The following OFD1 variants were observed in gnomAD, a reference collection of about 807,000 sequenced individuals.
The protein encoded by OFD1 is centriole and centriolar satellite protein OFD1.
A neutral mutation model predicts 81.4 loss-of-function variants in OFD1; 12 were observed. That is an observed-to-expected ratio of 0.15 (90% CI 0.09 to 0.24). OFD1 has a LOEUF of 0.24. OFD1 is among the 10% of genes least tolerant of loss of function. OFD1 has a pLI of 1.00. For missense variants in OFD1, 685 were observed against 733.9 expected (o/e 0.93, Z 0.77); for synonymous variants, 256 against 263.7 (o/e 0.97, Z 0.28).
intron 19 of OFD1, among the ~76,000 whole-genome samples, chrX:13,766,500 G>T (rs761017328): frequency 9.0e-6 from 1 of 111,355 alleles, no homozygotes; most frequent in African/African-American, 3.3e-5. Context: ...AAATGTGGAC[G>T]CGAGGCTAGG....
chrX:13,770,803 TGC>T (rs1446412101), downstream of OFD1, among the ~76,000 whole-genome samples: 5 of 112,471 alleles, frequency 4.4e-5, no homozygotes, highest in Admixed American at 2.8e-4. Flanking sequence ...AAGAGATTTT[TGC>T]CAGAAATAAA....
intron 17 of OFD1, among the ~76,000 whole-genome samples, chrX:13,761,553 C>T (rs1283478072): frequency 1.8e-5 from 2 of 112,032 alleles, no homozygotes; most frequent in Middle Eastern, 4.2e-3. Context: ...TGAAAGCAAA[C>T]AAATGGAGGT....
At chrX:13,760,746 G>A (rs774196880) in intron 16 of OFD1, 26 bp downstream of exon 16, 4 of 1,207,857 alleles carry the variant, frequency 3.3e-6, no homozygotes, top group African/African-American at 3.5e-5. Context: ...AAAGGGTTGC[G>A]GGGTGCTCTG....
chrX:13,723,240 G>A, the OFD1 span, among the ~76,000 whole-genome samples: 213 of 111,607 alleles, frequency 1.9e-3, 1 homozygote, highest in African/African-American at 6.2e-3. Context: ...CAATCTTAGC[G>A]CACTGCAACC....
At chrX:13,762,988 T>C (rs2047995205) in intron 18 of OFD1, among the ~76,000 whole-genome samples, 1 of 112,203 alleles carries the variant, frequency 8.9e-6, no homozygotes, top group South Asian at 3.7e-4. Flanking sequence ...CAGGCTGGTC[T>C]TGAGCTCCTG....
chrX:13,714,813 ATTAAT>A, the OFD1 span, among the ~76,000 whole-genome samples: 1 of 112,032 alleles, frequency 8.9e-6, no homozygotes, highest in Non-Finnish European at 1.9e-5. Context: ...AAATAAATGG[ATTAAT>A]CTCTATGGCC....
Position 13,760,254 on chromosome X carries a change from C to T in OFD1, c.1794C>T (p.Asn598=), listed in dbSNP as rs749765629. The T allele has an allele frequency of 1.6e-5, 19 of 1,209,840 alleles. No homozygotes were observed. The highest frequency in any genetic ancestry group is 5.3e-5 in the South Asian group (3 of 56,850). The change falls in exon 16 of 23, where the codon AAC becomes AAT. Residue 598 remains asparagine, a synonymous_variant. Transcript: ENST00000340096. ...DFLNNPFKQE[N]VLARMVASRI... ...TGAACAATCCTTTTAAACAGGAAAA[C>T]GTTCTAGCACGTATGGTTGCATCAA...
chrX:13,773,160 C>T (rs898604204), downstream of OFD1: 3 of 491,445 alleles, frequency 6.1e-6, no homozygotes, highest in Non-Finnish European at 9.7e-6. Context: ...ACTCGCTCTA[C>T]TAGCAGAGCT....
intron 6 of OFD1, 124 bp from the exon 7 acceptor site, chrX:13,746,195 G>C (rs1365344774): frequency 6.9e-6 from 4 of 575,627 alleles, no homozygotes; most frequent in Non-Finnish European, 1.2e-5. Flanking sequence ...GTATTTCAAA[G>C]TAAGTTGCAG....
chrX:13,757,844 C>T (rs1416422399), intron 14 of OFD1, 54 bp downstream of exon 14: 5 of 1,169,840 alleles, frequency 4.3e-6, no homozygotes, highest in South Asian at 3.6e-5. Context: ...TTCATAGTTA[C>T]GTAAACTTGG....
the OFD1 span, among the ~76,000 whole-genome samples, chrX:13,723,478 C>T: frequency 9.0e-6 from 1 of 111,692 alleles, no homozygotes; most frequent in Non-Finnish European, 1.9e-5. Context: ...TGATTCCAAA[C>T]GTTTTATAAA....
chrX:13,757,534 CAT>C (rs752101581), intron 13 of OFD1, 124 bp from the exon 14 acceptor site: 2 of 681,244 alleles, frequency 2.9e-6, no homozygotes, highest in East Asian at 3.6e-5. Context: ...GAATTATTAT[CAT>C]ATTTATTGAG....
the OFD1 span, chrX:13,720,067 T>A: frequency 1.4e-6 from 1 of 699,582 alleles, no homozygotes; most frequent in South Asian, 4.2e-5. Context: ...AATTCTTTTT[T>A]AAATTTAAAC....
the OFD1 span, among the ~76,000 whole-genome samples, chrX:13,728,626 A>G: frequency 8.9e-6 from 1 of 112,140 alleles, no homozygotes; most frequent in African/African-American, 3.3e-5. Context: ...TATTTATGAC[A>G]AACCCACAGC....
At position 13,737,472 on chromosome X, in the gene OFD1, G is replaced by T. The variant is rs116759547; in HGVS notation, c.312+794G>T. Among the ~76,000 whole-genome samples the T allele has an allele frequency of 5.4e-3, 589 of 108,195 alleles. 5 individuals are homozygous for T. Among genetic ancestry groups the T allele is most frequent in the African/African-American group, 0.019 (566 of 29,549 alleles). The allele number at this position is 108,195 out of a possible 115,157, so 94.0% of individuals were successfully genotyped here. ...TACAGAGAATTCCCATATACCTGCT[G>T]CCCCTACACACTCATAGCCTCCCCC... On this transcript the variant is annotated intron_variant, in intron 3 of 22. Transcript: ENST00000340096.
At chrX:13,736,163 G>A (rs1456422285) in intron 2 of OFD1, 1 of 879,440 alleles carries the variant, frequency 1.1e-6, no homozygotes, top group Non-Finnish European at 1.4e-6. Context: ...TATCCCAATC[G>A]TAAGCTGCTG....
chrX:13,747,449 T>A (rs2047339209), intron 8 of OFD1, among the ~76,000 whole-genome samples: 1 of 111,874 alleles, frequency 8.9e-6, no homozygotes, highest in Admixed American at 9.5e-5. Flanking sequence ...TCTCTGTCCC[T>A]TTCAGTGAGG....
intron 7 of OFD1, 73 bp from the exon 8 acceptor site, chrX:13,746,707 G>A (rs2047311961): frequency 1.2e-6 from 1 of 832,656 alleles, no homozygotes; most frequent in Non-Finnish European, 1.7e-6. Context: ...AAACCTAGAT[G>A]TAGAGAGAGA....
chrX:13,715,160 C>A, the OFD1 span, among the ~76,000 whole-genome samples: 1 of 112,788 alleles, frequency 8.9e-6, no homozygotes, highest in Non-Finnish European at 1.9e-5. Context: ...TGTCCAAATA[C>A]AGAACTTATT....
Sources: allele counts gnomAD v4.1 joint callset (sites outside exome capture counted in the v4.1 genomes callset), GRCh38; gene constraint gnomAD v4.1.1; transcripts MANE v1.5; gene names NCBI Gene and HGNC (gene_info 2026-07-23, HGNC 2026-07-21).